The following OPCML variants were observed in gnomAD, a reference collection of about 807,000 sequenced individuals.
OPCML encodes opioid-binding protein/cell adhesion molecule.
Under a neutral mutation model 37.8 loss-of-function variants are expected in OPCML, and 13 were observed. The observed-to-expected ratio is 0.34, with a 90% CI of 0.22 to 0.55. OPCML has a LOEUF of 0.55. Ranked by LOEUF, OPCML falls within the 20% of genes least tolerant of loss-of-function variation. The pLI is 0.91. For missense variants in OPCML, 341 were observed against 435.6 expected (o/e 0.78, Z 1.93); for synonymous variants, 176 against 168.8 (o/e 1.04, Z -0.33).
chr11:133,164,344 T>C (rs1443414902), intron 1 of OPCML, among the ~76,000 whole-genome samples: 8 of 152,218 alleles, frequency 5.3e-5, no homozygotes, highest in African/African-American at 1.9e-4. Context: ...GTATGAGTAC[T>C]AACTTAGTGC....
chr11:132,741,211 C>G (rs1339085061), intron 2 of OPCML, among the ~76,000 whole-genome samples: 1 of 152,170 alleles, frequency 6.6e-6, no homozygotes, highest in East Asian at 1.9e-4. Context: ...GGTGAGCACT[C>G]CCAGCCAGCC....
rs1480186667 is a variant in OPCML at position 133,036,014 on chromosome 11, C to T, written c.62-93004G>A. 2.0e-5 allele frequency among the ~76,000 whole-genome samples: 3 copies of T among 152,172 alleles called. No homozygotes were observed. In the East Asian group the frequency reaches 5.8e-4, roughly 29 times the overall value. On this transcript the variant is annotated intron_variant, in intron 1 of 7. Transcript: ENST00000524381. ...AATATCTAATGTTTAAGCCACTCAT[C>T]CTGTATTACTTTGTTAAGGCAGCCC...
In OPCML at chr11:132,456,352, A is replaced by G. The variant is rs142442769; in HGVS notation, c.506-18993T>C. 1.8e-4 allele frequency among the ~76,000 whole-genome samples: 28 copies of G among 152,326 alleles called. No individual in the cohort carries two copies. The East Asian group carries it at 5.2e-3, about 28-fold the overall frequency. ...ATTAAATAGCTCATAATTCTAATAA[A>G]TGTTAGAGGAATTTTAAGGCAGGAG... On this transcript the variant is annotated intron_variant, in intron 4 of 7. Transcript: ENST00000524381.
intron 1 of OPCML, among the ~76,000 whole-genome samples, chr11:133,483,541 A>T (rs889177763): frequency 2.6e-5 from 4 of 151,968 alleles, no homozygotes; most frequent in Non-Finnish European, 4.4e-5. Flanking sequence ...TAGATGATAG[A>T]TTAGATAGAT....
Position 133,053,841 on chromosome 11 carries a change from C to T in OPCML, c.62-110831G>A, listed in dbSNP as rs567120536. ...CACACCTCTATTCCCAATCCCTCTT[C>T]TCAAGTCCTTCAATCTAACCATCCA... On this transcript the variant is annotated intron_variant, in intron 1 of 7. Transcript: ENST00000524381. 3.3e-5 allele frequency among the ~76,000 whole-genome samples: 5 copies of T among 152,310 alleles called. No homozygotes were observed. In the East Asian group the frequency reaches 9.7e-4, roughly 29 times the overall value.
chr11:133,205,817 G>A lies in OPCML; in HGVS notation c.62-262807C>T, dbSNP rs753292645. ...TATAAAATTAGGAAGAGTAAAGCGC[G>A]GTGTGAATGAGCAAGAGTTTTGGAT... On this transcript the variant is annotated intron_variant, in intron 1 of 7. Coordinates refer to ENST00000524381, the MANE Select transcript of OPCML (RefSeq NM_001012393.5). This position sits in a 1 kb window ranked among gnomAD's most constrained non-coding sequence, Gnocchi z 4.8. 1.3e-5 allele frequency among the ~76,000 whole-genome samples: 2 copies of A among 152,306 alleles called. No homozygotes were observed. The highest frequency in any genetic ancestry group is 3.4e-3 in the Middle Eastern group (1 of 294).
chr11:132,782,309 C>T (rs1053782484), intron 2 of OPCML, among the ~76,000 whole-genome samples: 2 of 151,764 alleles, frequency 1.3e-5, no homozygotes, highest in Non-Finnish European at 2.9e-5. Context: ...TGCACAGAGC[C>T]CAGGCCAGTG....
chr11:133,120,815 T>C (rs1160462394), intron 1 of OPCML, among the ~76,000 whole-genome samples: 8 of 152,186 alleles, frequency 5.3e-5, no homozygotes, highest in Non-Finnish European at 7.3e-5. Context: ...TGAGAGATGA[T>C]CTGTTTTCAG....
intron 2 of OPCML, among the ~76,000 whole-genome samples, chr11:132,845,255 T>A (rs1334274061): frequency 2.6e-5 from 4 of 152,138 alleles, no homozygotes; most frequent in Non-Finnish European, 5.9e-5. Flanking sequence ...AGTCAGCACT[T>A]GAATTTCTGC....
intron 2 of OPCML, among the ~76,000 whole-genome samples, chr11:132,739,119 A>G (rs533820828): frequency 3.8e-4 from 58 of 152,318 alleles, no homozygotes; most frequent in African/African-American, 1.3e-3. Context: ...TTACTGAAAT[A>G]ACTTGTATCT....
intron 1 of OPCML, among the ~76,000 whole-genome samples, chr11:132,990,503 T>C (rs933000881): frequency 3.3e-5 from 5 of 152,186 alleles, no homozygotes; most frequent in African/African-American, 1.2e-4. Flanking sequence ...GTAGGAAAGG[T>C]AGGCATTCTA....
intron 2 of OPCML, among the ~76,000 whole-genome samples, chr11:132,791,266 T>C (rs568035246): frequency 6.6e-6 from 1 of 152,272 alleles, no homozygotes; most frequent in South Asian, 2.1e-4. Context: ...CTGATACTTG[T>C]TTTCCCTGCA....
chr11:133,287,259 T>TTTTCTTTC (rs200677578), intron 1 of OPCML, among the ~76,000 whole-genome samples: 11 of 132,436 alleles, frequency 8.3e-5, no homozygotes, highest in African/African-American at 2.6e-4. Flanking sequence ...TTTTAATTCT[T>TTTTCTTTC]TTTCTTTCTT....
intron 2 of OPCML, among the ~76,000 whole-genome samples, chr11:132,658,743 A>G (rs1038914806): frequency 6.6e-6 from 1 of 152,202 alleles, no homozygotes; most frequent in Non-Finnish European, 1.5e-5. Flanking sequence ...TGAATAATGC[A>G]TGTAAATAAC....
intron 3 of OPCML, among the ~76,000 whole-genome samples, chr11:132,647,094 C>T (rs990034509): frequency 6.6e-6 from 1 of 152,114 alleles, no homozygotes; most frequent in African/African-American, 2.4e-5. Context: ...GCAGTCTGAC[C>T]TACTTATTTA....
At chr11:132,957,177 G>C (rs1166709331) in intron 1 of OPCML, among the ~76,000 whole-genome samples, 2 of 152,118 alleles carry the variant, frequency 1.3e-5, no homozygotes, top group South Asian at 4.1e-4. Context: ...GGGTCATGAG[G>C]CTCAAAATTT....
chr11:132,929,182 A>C (rs903738866), intron 2 of OPCML, among the ~76,000 whole-genome samples: 1 of 151,982 alleles, frequency 6.6e-6, no homozygotes, highest in African/African-American at 2.4e-5. Context: ...CCTTAAAATG[A>C]TAACAAAATG....
intron 4 of OPCML, among the ~76,000 whole-genome samples, chr11:132,447,794 C>T (rs1565570760): frequency 6.6e-6 from 1 of 152,246 alleles, no homozygotes; most frequent in Non-Finnish European, 1.5e-5. Context: ...TTAAGAGAGG[C>T]AGTGGCTTAG....
At chr11:133,009,185 T>G in intron 1 of OPCML, 1 of 985,296 alleles carries the variant, frequency 1.0e-6, no homozygotes, top group Non-Finnish European at 1.2e-6. Flanking sequence ...AAATACACAT[T>G]GTCTCTAACA....
Sources: gnomAD v4.1 joint callset for allele counts (sites outside exome capture counted in the v4.1 genomes callset) on GRCh38, gnomAD v4.1.1 for gene constraint, Gnocchi (gnomAD v3.1) non-coding constraint, MANE v1.5 for transcripts, NCBI Gene and HGNC (gene_info 2026-07-23, HGNC 2026-07-21) for gene names.